CPNE4: variants seen among roughly 807,000 people sequenced by gnomAD.
CPNE4 encodes the protein copine-4.
Under a neutral mutation model 67.9 loss-of-function variants are expected in CPNE4, and 25 were observed. The observed-to-expected ratio is 0.37, with a 90% CI of 0.27 to 0.51. The LOEUF (loss-of-function observed/expected upper bound fraction) is 0.51. Among genes scored for constraint, CPNE4 ranks in the 20% least tolerant of loss-of-function variants. The pLI is 0.93. For missense variants in CPNE4, 464 were observed against 690.8 expected (o/e 0.67, Z 3.68); for synonymous variants, 242 against 244.9 (o/e 0.99, Z 0.11).
At chr3:131,588,441 A>G (rs189322804) in intron 7 of CPNE4, among the ~76,000 whole-genome samples, 1 of 152,282 alleles carries the variant, frequency 6.6e-6, no homozygotes, top group East Asian at 1.9e-4. Flanking sequence ...TGCAGGAAAG[A>G]AGCTCAGACC....
At chr3:131,796,693 C>T (rs528639324) in intron 2 of CPNE4, among the ~76,000 whole-genome samples, 2 of 152,276 alleles carry the variant, frequency 1.3e-5, no homozygotes, top group South Asian at 2.1e-4. Flanking sequence ...AGAATGCATT[C>T]AACCACAAGC....
chr3:131,705,054 C>T (rs1415089561), intron 3 of CPNE4, among the ~76,000 whole-genome samples: 1 of 138,052 alleles, frequency 7.2e-6, no homozygotes, highest in African/African-American at 2.6e-5. Flanking sequence ...TCCCTCCCTT[C>T]CTACCTTCCC....
rs59277847 is a variant in CPNE4 at position 131,942,463 on chromosome 3, TGAGAGAGAGAGAGAGAGAGAGAGAGA to T, written c.-1-37045_-1-37020del. ...GTGTGTGTGTGTGTGTGTGTGTGTGTGAGAGAGAGAGAGAGAGAGAGAGAGAGAGAGAGAGAGAGAGAGAGAGAGAG... is the reference window on the plus strand; with the variant it reads ...GTGTGTGTGTGTGTGTGTGTGTGTGTGAGAGAGAGAGAGAGAGAGAGAGAG... On this transcript the variant is annotated intron_variant, in intron 1 of 15. Transcript: ENST00000429747. Among the ~76,000 whole-genome samples, 13 of 70,774 alleles carry T rather than the reference TGAGAGAGAGAGAGAGAGAGAGAGAGA, an allele frequency of 1.8e-4. No homozygotes were observed. In the East Asian group the frequency reaches 3.2e-3, roughly 17 times the overall value. 46.4% of individuals were successfully genotyped at this position (70,774 alleles called of 152,430 possible). A position where few individuals can be genotyped will look rare whatever the true frequency, so the allele number is the denominator to read the frequency against.
At chr3:131,896,880 A>G (rs2088360439) in intron 2 of CPNE4, among the ~76,000 whole-genome samples, 1 of 152,138 alleles carries the variant, frequency 6.6e-6, no homozygotes, top group Non-Finnish European at 1.5e-5. Flanking sequence ...CAAAATGCTC[A>G]GGAATACTTG....
chr3:131,647,915 G>T (rs757777216), intron 7 of CPNE4, among the ~76,000 whole-genome samples: 4 of 151,974 alleles, frequency 2.6e-5, no homozygotes, highest in Non-Finnish European at 4.4e-5. Flanking sequence ...TTCATCTCTT[G>T]TCTGAACCAC....
intron 2 of CPNE4, among the ~76,000 whole-genome samples, chr3:131,770,423 C>T (rs546359504): frequency 1.6e-4 from 24 of 152,318 alleles, no homozygotes; most frequent in Middle Eastern, 3.4e-3. Flanking sequence ...TCCCTTTCTC[C>T]CCGCAAAGCG....
At chr3:131,978,527 T>TATAA (rs2072812053) in intron 1 of CPNE4, among the ~76,000 whole-genome samples, 1 of 69,886 alleles carries the variant, frequency 1.4e-5, no homozygotes, top group Non-Finnish European at 2.5e-5. Flanking sequence ...TTTATATAAA[T>TATAA]ATAAATATAT....
intron 2 of CPNE4, among the ~76,000 whole-genome samples, chr3:131,843,233 G>A (rs1341705237): frequency 6.6e-6 from 1 of 152,172 alleles, no homozygotes; most frequent in African/African-American, 2.4e-5. Flanking sequence ...GAAGGCAGTG[G>A]GGAGGGGAAG....
chr3:131,959,428 G>A (rs1016961173), intron 1 of CPNE4, among the ~76,000 whole-genome samples: 6 of 152,126 alleles, frequency 3.9e-5, no homozygotes, highest in African/African-American at 9.7e-5. Flanking sequence ...AGTGTGTAGA[G>A]TACAGTTCAA....
intron 7 of CPNE4, among the ~76,000 whole-genome samples, chr3:131,653,351 T>C (rs566158124): frequency 4.8e-4 from 73 of 152,114 alleles, no homozygotes; most frequent in African/African-American, 1.4e-3. Flanking sequence ...GGTTTCACCA[T>C]GATAGCCAGG....
chr3:131,688,466 T>C (rs2080949763), intron 5 of CPNE4, among the ~76,000 whole-genome samples: 1 of 152,198 alleles, frequency 6.6e-6, no homozygotes, highest in Non-Finnish European at 1.5e-5. Context: ...GGCCAGTTTC[T>C]GTTTCTACAT....
chr3:131,633,372 ATTC>A (rs758848848), intron 7 of CPNE4, among the ~76,000 whole-genome samples: 6 of 152,222 alleles, frequency 3.9e-5, no homozygotes, highest in Non-Finnish European at 8.8e-5. Context: ...AGAAGTACCT[ATTC>A]TTCTCAAACA....
chr3:131,725,129 A>G (rs2081973130), intron 2 of CPNE4, among the ~76,000 whole-genome samples: 1 of 152,226 alleles, frequency 6.6e-6, no homozygotes, highest in Non-Finnish European at 1.5e-5. Flanking sequence ...TCATATGAGT[A>G]AAGGAAAATA....
intron 2 of CPNE4, among the ~76,000 whole-genome samples, chr3:131,767,258 A>AGT (rs1314209002): frequency 3.6e-5 from 2 of 55,696 alleles, no homozygotes; most frequent in Admixed American, 1.9e-4. Context: ...GCTAAGTGTG[A>AGT]GCGTGTGTGT....
intron 2 of CPNE4, among the ~76,000 whole-genome samples, chr3:131,875,604 T>A (rs2087411458): frequency 6.6e-6 from 1 of 150,936 alleles, no homozygotes; most frequent in Non-Finnish European, 1.5e-5. Flanking sequence ...CACCGCATGT[T>A]CTCACTCATA....
At position 131,726,570 on chromosome 3, in the gene CPNE4, A is replaced by T. The variant is rs114089601; in HGVS notation, c.181-2945T>A. On this transcript the variant is annotated intron_variant, in intron 2 of 15. Coordinates refer to ENST00000429747, the MANE Select transcript of CPNE4 (RefSeq NM_130808.3). ...CATTTCCAGTTATTATGGAAGATGC[A>T]TTATTTTTTTCTGGTGCCTAATCCA... 4.4e-3 allele frequency among the ~76,000 whole-genome samples: 665 copies of T among 152,200 alleles called. 4 individuals carry two copies. The highest frequency in any genetic ancestry group is 0.015 in the African/African-American group (619 of 41,536).
chr3:131,954,582 G>A (rs1470584810), intron 1 of CPNE4, among the ~76,000 whole-genome samples: 1 of 152,072 alleles, frequency 6.6e-6, no homozygotes, highest in Non-Finnish European at 1.5e-5. Flanking sequence ...GTGCCATGTT[G>A]GTGTGGTGCA....
chr3:131,895,277 C>T (rs1168683244), intron 2 of CPNE4, among the ~76,000 whole-genome samples: 8 of 151,886 alleles, frequency 5.3e-5, no homozygotes, highest in Non-Finnish European at 1.0e-4. Context: ...GAAGGAATAC[C>T]TTCTGGTGTT....
At chr3:132,009,393 G>C (rs1228993057) in intron 1 of CPNE4, among the ~76,000 whole-genome samples, 1 of 152,112 alleles carries the variant, frequency 6.6e-6, no homozygotes, top group Non-Finnish European at 1.5e-5. Context: ...CACCCAGCAT[G>C]GTTTTCAGAG....
Sources: gnomAD v4.1 joint callset for allele counts (sites outside exome capture counted in the v4.1 genomes callset) on GRCh38, gnomAD v4.1.1 for gene constraint, MANE v1.5 for transcripts, NCBI Gene and HGNC (gene_info 2026-07-23, HGNC 2026-07-21) for gene names.